The following SLC6A13 variants were observed in gnomAD, a reference collection of about 807,000 sequenced individuals.
SLC6A13 encodes the protein solute carrier family 6 member 13.
A neutral mutation model predicts 72.9 loss-of-function variants in SLC6A13; 69 were observed. The observed-to-expected ratio is 0.95, with a 90% CI of 0.78 to 1.16. The LOEUF is 1.16. Among genes scored for constraint, SLC6A13 ranks in the 50% most tolerant of loss-of-function variants. SLC6A13 has a pLI of 0.00. For missense variants in SLC6A13, 735 were observed against 760.5 expected, an observed-to-expected ratio of 0.97 and a Z score of 0.39; for synonymous variants, 303 against 303.0, an observed-to-expected ratio of 1.00 and a Z score of 0.00.
chr12:223,240 TG>T lies in SLC6A13; in HGVS notation c.1312-7del. On this transcript the variant is annotated splice_polypyrimidine_tract_variant and splice_region_variant and intron_variant, in intron 11 of 14. Transcript: ENST00000343164. ...TGGAACACGTACATTCCGCCCTGCA[TG>T]GGAGGAGATTATTTTAAAAAGAAGT... The T allele has an allele frequency of 6.3e-7, 1 of 1,575,610 alleles. No individual in the cohort carries two copies. The highest frequency in any genetic ancestry group is 8.7e-7 in the Non-Finnish European group (1 of 1,147,150).
intron 3 of SLC6A13, 25 bp from the exon 4 acceptor site, chr12:242,779 C>T (rs781445730): frequency 6.4e-7 from 1 of 1,562,020 alleles, no homozygotes; most frequent in South Asian, 1.2e-5. Context: ...CAGAATTGGG[C>T]TAGGAACGGT....
intron 1 of SLC6A13, among the ~76,000 whole-genome samples, chr12:261,400 C>T (rs767262251): frequency 4.6e-5 from 7 of 152,230 alleles, no homozygotes; most frequent in Non-Finnish European, 1.0e-4. Context: ...TCTGCCCCTG[C>T]TCTTTCAGTT....
intron 8 of SLC6A13, 101 bp from the exon 9 acceptor site, chr12:226,615 C>T: frequency 7.1e-7 from 1 of 1,408,754 alleles, no homozygotes; most frequent in Non-Finnish European, 9.5e-7. Context: ...CTGGCGGACA[C>T]TGTCCTGGCC....
At chr12:256,036 C>A (rs1254905782) in intron 2 of SLC6A13, among the ~76,000 whole-genome samples, 1 of 152,126 alleles carries the variant, frequency 6.6e-6, no homozygotes, top group African/African-American at 2.4e-5. Flanking sequence ...AATGACCACC[C>A]TTTTAAAAAT....
At chr12:261,157 C>T (rs1043029150) in intron 1 of SLC6A13, among the ~76,000 whole-genome samples, 2 of 152,196 alleles carry the variant, frequency 1.3e-5, no homozygotes, top group African/African-American at 4.8e-5. Context: ...ATGGCCCATT[C>T]CAGACCACTG....
chr12:224,586 C>T, intron 9 of SLC6A13, 73 bp from the exon 10 acceptor site: 1 of 1,190,128 alleles, frequency 8.4e-7, no homozygotes, highest in East Asian at 2.4e-5. Context: ...CATGGCTTCC[C>T]AGCGTGGGGC....
chr12:237,060 A>C (rs12580917), intron 6 of SLC6A13, 98 bp downstream of exon 6: 118,919 of 1,366,616 alleles, frequency 0.087, 6,117 homozygotes, highest in Non-Finnish European at 0.1. Context: ...ATCGCCTCCC[A>C]TCCTCAACGG....
At chr12:251,823 T>C (rs769253405) in intron 2 of SLC6A13, among the ~76,000 whole-genome samples, 1 of 151,470 alleles carries the variant, frequency 6.6e-6, no homozygotes, top group Non-Finnish European at 1.5e-5. Flanking sequence ...TTTCCGGGCA[T>C]GGTGGCACAT....
At chr12:246,859 T>C (rs113253135) in intron 2 of SLC6A13, among the ~76,000 whole-genome samples, 2,433 of 151,914 alleles carry the variant, frequency 0.016, 33 homozygotes, top group Admixed American at 0.025. Flanking sequence ...AGTACAAAAA[T>C]TAGCTGGGTG....
In SLC6A13 at chr12:224,434, G is replaced by C; in HGVS notation, c.1140C>G (p.Phe380Leu). ...CCAGTCCCAGGAGAACGACCATGAAGAAGAAACAGCAGGCCCAGAGAGGAG... is the reference window on the plus strand; with the variant it reads ...CCAGTCCCAGGAGAACGACCATGAACAAGAAACAGCAGGCCCAGAGAGGAG... ...PFSPLWACCF[F>L]FMVVLLGLDS... Residue 380 changes from phenylalanine (F) to leucine (L), a missense_variant, in exon 10 of 15, where the codon TTC (phenylalanine) becomes TTG (leucine). Phe to Leu is a conservative substitution (Grantham distance 22). Coordinates refer to ENST00000343164, the MANE Select transcript of SLC6A13 (RefSeq NM_016615.5). 1.9e-6 allele frequency: 3 copies of C among 1,614,178 alleles called. No individual in the cohort carries two copies. The highest frequency in any genetic ancestry group is 2.5e-6 in the Non-Finnish European group (3 of 1,180,014).
chr12:240,933 TATC>T (rs1942142405), intron 4 of SLC6A13, among the ~76,000 whole-genome samples: 1 of 152,144 alleles, frequency 6.6e-6, no homozygotes, highest in Admixed American at 6.5e-5. Flanking sequence ...GGATGAAGAA[TATC>T]ATCCTAACCG....
chr12:223,010 T>C, intron 12 of SLC6A13, 122 bp downstream of exon 12: 1 of 629,856 alleles, frequency 1.6e-6, no homozygotes, highest in Non-Finnish European at 2.8e-6. Flanking sequence ...ATTTTGGAGG[T>C]TGGGTAGGGA....
At chr12:244,727 A>C (rs989084819) in intron 2 of SLC6A13, among the ~76,000 whole-genome samples, 1 of 152,082 alleles carries the variant, frequency 6.6e-6, no homozygotes. Flanking sequence ...TCTGTCTTTT[A>C]TATGAATATT....
At position 253,169 on chromosome 12, in the gene SLC6A13, C is replaced by G. The variant is rs1215234319; in HGVS notation, c.202+6682G>C. ...CTCCGTGAGATAGGAGAGACCATAT[C>G]CCCGTCCCAGAAAGCAATCACTCTC... On this transcript the variant is annotated intron_variant, in intron 2 of 14. Transcript: ENST00000343164. Among the ~76,000 whole-genome samples the G allele has an allele frequency of 3.9e-5, 6 of 152,348 alleles. No homozygotes were observed. In the East Asian group the frequency reaches 1.2e-3, roughly 29 times the overall value.
rs374740428 is a variant in SLC6A13, at chr12:237,286, G to A, written c.568C>T (p.Arg190Trp). The A allele has an allele frequency of 3.8e-5, 62 of 1,614,104 alleles. No individual in the cohort carries two copies. Among genetic ancestry groups the A allele is most frequent in the Middle Eastern group, 3.3e-4 (2 of 6,060 alleles). ...TSPVIEFWER[R>W]VLKISDGIQH... is the part of the protein sequence containing the mutation. ...ATCCCATCAGAGATCTTCAAGACCC[G>A]CCGCCTGGGGAGAGAAGGGTTGAAC... Residue 190 changes from arginine (R) to tryptophan (W), a missense_variant, in exon 6 of 15, where the codon CGG becomes TGG. Physicochemically the swap from Arg to Trp is moderately radical, Grantham distance 101. Transcript: ENST00000343164.
intron 4 of SLC6A13, among the ~76,000 whole-genome samples, chr12:238,895 T>G (rs569655329): frequency 4.0e-5 from 6 of 151,564 alleles, no homozygotes; most frequent in Non-Finnish European, 7.3e-5. Flanking sequence ...TTTTCACCCT[T>G]GTTCCCCTCG....
In SLC6A13 at chr12:254,181, C is replaced by T. The variant is rs1384620505; in HGVS notation, c.202+5670G>A. 6.6e-6 allele frequency among the ~76,000 whole-genome samples: 1 copy of T among 152,230 alleles called. No individual in the cohort carries two copies. Among genetic ancestry groups the T allele is most frequent in the African/African-American group, 2.4e-5 (1 of 41,460 alleles). On this transcript the variant is annotated intron_variant, in intron 2 of 14. Coordinates refer to ENST00000343164, the MANE Select transcript of SLC6A13 (RefSeq NM_016615.5). The surrounding 1 kb of genome is among the most constrained non-coding windows in gnomAD (Gnocchi z 4.4). The stretch of plus-strand genomic sequence containing the variant: ...CTGGAGGAATAGTTCAAATGTCAAG[C>T]TTCTTCAGCCGCCTCGCCAGCTCAG...
At chr12:246,750 G>A (rs914252062) in intron 2 of SLC6A13, among the ~76,000 whole-genome samples, 1 of 152,204 alleles carries the variant, frequency 6.6e-6, no homozygotes, top group African/African-American at 2.4e-5. Flanking sequence ...GTTCATGCCT[G>A]TAATCCCCGC....
chr12:250,714 C>T (rs1157133656), intron 2 of SLC6A13, among the ~76,000 whole-genome samples: 1 of 148,490 alleles, frequency 6.7e-6, no homozygotes, highest in Non-Finnish European at 1.5e-5. Flanking sequence ...TCAATTCTTT[C>T]CAAATTGATC....
Sources: gnomAD v4.1 joint callset for allele counts (sites outside exome capture counted in the v4.1 genomes callset) on GRCh38, gnomAD v4.1.1 for gene constraint, Gnocchi (gnomAD v3.1) non-coding constraint, MANE v1.5 for transcripts, NCBI Gene and HGNC (gene_info 2026-07-23, HGNC 2026-07-21) for gene names.